Variants in CADPS2 observed in about 807,000 individuals in gnomAD.
CADPS2 encodes calcium-dependent secretion activator 2.
CADPS2 carries 93 observed loss-of-function variants against 172.5 expected under a neutral mutation model. The observed-to-expected ratio is 0.54, with a 90% CI of 0.46 to 0.64. CADPS2 has a LOEUF of 0.64. Among genes scored for constraint, CADPS2 ranks in the 30% least tolerant of loss-of-function variants. The pLI is 0.00. For missense variants in CADPS2, 1,420 were observed against 1,565.9 expected, an observed-to-expected ratio of 0.91 and a Z score of 1.57; for synonymous variants, 546 against 555.2, an observed-to-expected ratio of 0.98 and a Z score of 0.23.
intron 1 of CADPS2, among the ~76,000 whole-genome samples, chr7:122,845,389 G>C (rs1046782967): frequency 5.9e-5 from 9 of 152,182 alleles, no homozygotes; most frequent in Admixed American, 1.3e-4. Flanking sequence ...ACAACCACAA[G>C]CGTGGCACTG....
At chr7:122,754,619 G>A (rs1335307103) in intron 1 of CADPS2, among the ~76,000 whole-genome samples, 1 of 152,070 alleles carries the variant, frequency 6.6e-6, no homozygotes, top group Admixed American at 6.6e-5. Context: ...TGGGATTACA[G>A]GTGCCCACCA....
At chr7:122,341,678 C>A (rs1268274832) in intron 28 of CADPS2, among the ~76,000 whole-genome samples, 1 of 152,144 alleles carries the variant, frequency 6.6e-6, no homozygotes, top group Non-Finnish European at 1.5e-5. Context: ...TTTGACTCAA[C>A]AATCCACAAG....
intron 1 of CADPS2, among the ~76,000 whole-genome samples, chr7:122,784,985 C>G (rs1222221873): frequency 6.6e-6 from 1 of 152,114 alleles, no homozygotes; most frequent in Admixed American, 6.6e-5. Context: ...ATCTCCAAGA[C>G]TCTTATTTTT....
At chr7:122,716,306 T>G (rs2089590763) in intron 2 of CADPS2, among the ~76,000 whole-genome samples, 1 of 152,116 alleles carries the variant, frequency 6.6e-6, no homozygotes, top group Non-Finnish European at 1.5e-5. Context: ...ATATGTACTA[T>G]GCTACATTTC....
chr7:122,542,169 AGGGAGGCACAGGGAGGTTAAGTAACTT>A (rs2063167396), intron 8 of CADPS2, among the ~76,000 whole-genome samples: 1 of 151,998 alleles, frequency 6.6e-6, no homozygotes, highest in African/African-American at 2.4e-5. Flanking sequence ...CAGGGGAAGA[AGGGAGGCACAGGGAGGTTAAGTAACTT>A]GCCTTAAGAT....
chr7:122,788,658 C>T (rs926797429), intron 1 of CADPS2, among the ~76,000 whole-genome samples: 2 of 152,174 alleles, frequency 1.3e-5, no homozygotes, highest in African/African-American at 4.8e-5. Flanking sequence ...ACAATCCTGC[C>T]TTCGTTGGAC....
intron 25 of CADPS2, among the ~76,000 whole-genome samples, chr7:122,361,319 C>T (rs1004537933): frequency 6.6e-6 from 1 of 150,712 alleles, no homozygotes; most frequent in African/African-American, 2.5e-5. Context: ...CTGCAACCTC[C>T]ACCTCCCGAG....
At chr7:122,629,163 T>A (rs1416322038) in intron 4 of CADPS2, 85 bp downstream of exon 4, 12 of 981,816 alleles carry the variant, frequency 1.2e-5, no homozygotes, top group Admixed American at 6.1e-5. Context: ...CTTTTTTTTT[T>A]AACCTATACA....
chr7:122,709,124 C>A (rs1211101048), intron 2 of CADPS2, among the ~76,000 whole-genome samples: 2 of 152,002 alleles, frequency 1.3e-5, no homozygotes, highest in African/African-American at 4.8e-5. Context: ...GGCTACTCTG[C>A]CCTTCTCATT....
intron 18 of CADPS2, among the ~76,000 whole-genome samples, chr7:122,415,065 A>C (rs1032364972): frequency 1.3e-5 from 2 of 152,184 alleles, no homozygotes; most frequent in Non-Finnish European, 1.5e-5. Context: ...AAGTCTCAGA[A>C]TGAGCAGTTT....
intron 2 of CADPS2, among the ~76,000 whole-genome samples, chr7:122,714,524 T>C (rs900875735): frequency 3.3e-5 from 5 of 152,044 alleles, no homozygotes; most frequent in Non-Finnish European, 7.4e-5. Flanking sequence ...GTAAAACAGT[T>C]ACAAAAAGAA....
chr7:122,388,313 G>A (rs753785327), intron 23 of CADPS2, among the ~76,000 whole-genome samples: 1 of 151,948 alleles, frequency 6.6e-6, no homozygotes, highest in Non-Finnish European at 1.5e-5. Context: ...TTCCCAGAGA[G>A]ATAACAATAA....
chr7:122,641,303 A>T (rs1167546914), intron 3 of CADPS2, among the ~76,000 whole-genome samples: 1 of 152,170 alleles, frequency 6.6e-6, no homozygotes, highest in African/African-American at 2.4e-5. Context: ...TTATCAAAAT[A>T]CTTGACAAAT....
At chr7:122,451,348 A>G (rs2053079194) in intron 15 of CADPS2, 26 bp downstream of exon 15, 2 of 1,200,170 alleles carry the variant, frequency 1.7e-6, no homozygotes, top group Non-Finnish European at 2.3e-6. Context: ...GAAAAGAAAT[A>G]TTTATATTAA....
At chr7:122,331,415 A>G (rs955642167) in intron 28 of CADPS2, among the ~76,000 whole-genome samples, 1 of 152,204 alleles carries the variant, frequency 6.6e-6, no homozygotes, top group Non-Finnish European at 1.5e-5. Context: ...AGGTGGGTGG[A>G]TCACTTGAGG....
At position 122,637,208 on chromosome 7, in the gene CADPS2, T is replaced by TTTTCTC. The variant is rs778963218; in HGVS notation, c.787-7881_787-7880insGAGAAA. Among the ~76,000 whole-genome samples the TTTTCTC allele has an allele frequency of 3.2e-3, 201 of 62,692 alleles. 24 individuals are homozygous for TTTTCTC. Among genetic ancestry groups the TTTTCTC allele is most frequent in the Non-Finnish European group, 4.1e-3 (139 of 34,066 alleles). 41.1% of individuals were successfully genotyped at this position (62,692 alleles called of 152,430 possible). A position where few individuals can be genotyped will look rare whatever the true frequency, so the allele number is the denominator to read the frequency against. ...TTTTTTTTTTTTTTTTTTTTTTTTT[T>TTTTCTC]CCTGAGACAGGGTCTCACTCTGTGG... On this transcript the variant is annotated intron_variant, in intron 3 of 29. Transcript: ENST00000449022.
intron 10 of CADPS2, 70 bp downstream of exon 10, chr7:122,491,242 A>T: frequency 1.0e-6 from 1 of 993,986 alleles, no homozygotes; most frequent in Non-Finnish European, 1.5e-6. Flanking sequence ...ATTGTAGAAC[A>T]GACAAAGGAT....
At chr7:122,621,995 A>T (rs865875610) in intron 4 of CADPS2, among the ~76,000 whole-genome samples, 2 of 152,278 alleles carry the variant, frequency 1.3e-5, no homozygotes, top group Middle Eastern at 3.4e-3. Context: ...TTGCTTAAGG[A>T]AAAACAAACT....
rs992894818 is a variant in CADPS2 at position 122,756,901 on chromosome 7, A to G, written c.340-19833T>C. ...GGGAACAGAGCAAGACTCCCTCTCAAGGAAAAAAAAAAAAAAATTACATCC... is the reference window on the plus strand; with the variant it reads ...GGGAACAGAGCAAGACTCCCTCTCAGGGAAAAAAAAAAAAAAATTACATCC... On this transcript the variant is annotated intron_variant, in intron 1 of 29. Transcript: ENST00000449022. Among the ~76,000 whole-genome samples the G allele has an allele frequency of 4.2e-4, 63 of 151,718 alleles. 1 individual carries two copies. Among genetic ancestry groups the G allele is most frequent in the Non-Finnish European group, 1.2e-4 (8 of 67,950 alleles).
Sources: gnomAD v4.1 joint callset for allele counts (sites outside exome capture counted in the v4.1 genomes callset) on GRCh38, gnomAD v4.1.1 for gene constraint, MANE v1.5 for transcripts, NCBI Gene and HGNC (gene_info 2026-07-23, HGNC 2026-07-21) for gene names.